FBXW10: variants seen among roughly 807,000 people sequenced by gnomAD.
FBXW10 encodes the protein F-box/WD repeat-containing protein 10.
Under a neutral mutation model 113.1 loss-of-function variants are expected in FBXW10, and 68 were observed. That is an observed-to-expected ratio of 0.60 (90% CI 0.49 to 0.74). The LOEUF is 0.74. Ranked by LOEUF, FBXW10 falls within the 30% of genes least tolerant of loss-of-function variation. The pLI is 0.00. For missense variants in FBXW10, 753 were observed against 1,284.5 expected, an observed-to-expected ratio of 0.59 and a Z score of 6.32; for synonymous variants, 289 against 481.6, an observed-to-expected ratio of 0.60 and a Z score of 5.24.
rs1312347830 is a variant in FBXW10, at chr17:18,746,598, GAC to G, written c.506-1339_506-1338del. On this transcript the variant is annotated intron_variant, in intron 1 of 13. Coordinates refer to ENST00000395665, the MANE Select transcript of FBXW10 (RefSeq NM_001267585.2). Reference sequence around the variant, plus strand: ...TAGAAGAATGATAATATAGAATGAAGACACAGTGAATCCTAGGGTGTCAAAAA... The same window carrying G: ...TAGAAGAATGATAATATAGAATGAAGACAGTGAATCCTAGGGTGTCAAAAA... 2.0e-5 allele frequency among the ~76,000 whole-genome samples: 3 copies of G among 152,294 alleles called. No homozygotes were observed. In the East Asian group the frequency reaches 5.8e-4, roughly 29 times the overall value.
chr17:18,754,849 T>C (rs2035229477), intron 5 of FBXW10, among the ~76,000 whole-genome samples: 1 of 152,204 alleles, frequency 6.6e-6, no homozygotes, highest in Non-Finnish European at 1.5e-5. Flanking sequence ...ATTGATTTCC[T>C]TTCCCTGAGT....
intron 12 of FBXW10, among the ~76,000 whole-genome samples, chr17:18,772,928 CTTTT>C (rs940811811): frequency 7.4e-6 from 1 of 135,636 alleles, no homozygotes; most frequent in Non-Finnish European, 1.6e-5. Flanking sequence ...TTCTTTCTTT[CTTTT>C]TTTTTTTTTT....
chr17:18,773,649 G>T (rs2035655750), intron 12 of FBXW10, among the ~76,000 whole-genome samples: 1 of 152,268 alleles, frequency 6.6e-6, no homozygotes, highest in African/African-American at 2.4e-5. Flanking sequence ...GATCTATAGA[G>T]AACAATGATA....
chr17:18,766,631 T>C (rs2035501352), intron 8 of FBXW10, 83 bp from the exon 9 acceptor site: 2 of 1,446,400 alleles, frequency 1.4e-6, no homozygotes, highest in Non-Finnish European at 1.9e-6. Flanking sequence ...GCTTCTGTGA[T>C]GGGGAGCAGA....
rs771116274 is a variant in FBXW10, at chr17:18,764,858, T to A, written c.1550T>A (p.Val517Glu). The change falls in exon 8 of 14, where the codon GTA becomes GAA. Residue 517 changes from valine to glutamate, a missense_variant. Physicochemically the swap from Val to Glu is moderately radical, Grantham distance 121. Transcript: ENST00000395665. The stretch of plus-strand genomic sequence containing the variant: ...GTATCTGGAGGAAGAGATTGCCAGG[T>A]AAAAGGTGAGAAAGAAGTGCCTTAA... ...RLVSGGRDCQ[V>E]KVWDVDTGKC... 16 of 1,613,928 alleles carry A rather than the reference T, an allele frequency of 9.9e-6. No individual in the cohort carries two copies. In the Admixed American group the frequency reaches 2.0e-4, roughly 20 times the overall value.
chr17:18,778,179 G>C (rs1449981545), intron 13 of FBXW10, among the ~76,000 whole-genome samples: 1 of 152,190 alleles, frequency 6.6e-6, no homozygotes, highest in Non-Finnish European at 1.5e-5. Flanking sequence ...CGTGAACCCG[G>C]AAGGCAGAGC....
chr17:18,745,266 G>A, intron 1 of FBXW10: 1 of 947,518 alleles, frequency 1.1e-6, no homozygotes, highest in Non-Finnish European at 1.3e-6. Context: ...GTTTCTCCAA[G>A]GCTGGAGATA....
chr17:18,767,984 T>G (rs2035530000), intron 9 of FBXW10, among the ~76,000 whole-genome samples: 1 of 152,014 alleles, frequency 6.6e-6, no homozygotes, highest in Non-Finnish European at 1.5e-5. Flanking sequence ...CCATTGGCCT[T>G]CTTTTTTTCT....
At position 18,744,680 on chromosome 17, in the gene FBXW10, C is replaced by A; in HGVS notation, c.436C>A (p.Pro146Thr). Residue 146 changes from proline to threonine, a missense_variant, in exon 1 of 14, where the codon CCC (proline) becomes ACC (threonine). Coordinates refer to ENST00000395665, the MANE Select transcript of FBXW10 (RefSeq NM_001267585.2). ...YTLLLLQMCNPKLLLTAANVI... is the reference protein window; with the variant it reads ...YTLLLLQMCNTKLLLTAANVI... ...TCTCTTACTGCTGCAGATGTGCAAC[C>A]CCAAATTACTGCTCACTGCTGCCAA... 9.9e-6 allele frequency: 16 copies of A among 1,613,824 alleles called. No individual in the cohort carries two copies. Among genetic ancestry groups the A allele is most frequent in the Non-Finnish European group, 1.4e-5 (16 of 1,179,840 alleles).
chr17:18,759,857 C>T (rs1195408658), intron 7 of FBXW10, among the ~76,000 whole-genome samples: 3 of 152,076 alleles, frequency 2.0e-5, no homozygotes, highest in African/African-American at 7.2e-5. Flanking sequence ...CCTCGTGATC[C>T]ACCCGCCTCG....
chr17:18,776,816 A>C (rs1178945491), intron 13 of FBXW10, among the ~76,000 whole-genome samples: 5 of 152,190 alleles, frequency 3.3e-5, no homozygotes, highest in Non-Finnish European at 7.3e-5. Context: ...CTAAATGTCC[A>C]TCAATGGGCA....
intron 2 of FBXW10, 32 bp downstream of exon 2, chr17:18,748,137 G>A (rs1057471204): frequency 1.2e-6 from 2 of 1,613,002 alleles, no homozygotes; most frequent in Non-Finnish European, 8.5e-7. Context: ...AAGCCAATAT[G>A]GGCTAGGTGC....
chr17:18,772,609 CTG>C lies in FBXW10; in HGVS notation c.2207_2208del (p.Val736AspfsTer45). ...AGAGAGTCTGTATCCAGTAAACAAA[CTG>C]TGATCCAAGAGCTCCTACCAGGCAA... On this transcript the variant is annotated frameshift_variant, in exon 12 of 14. Transcript: ENST00000395665. LOFTEE classifies it high-confidence loss of function. 2 of 1,614,028 alleles carry C rather than the reference CTG, an allele frequency of 1.2e-6. No individual in the cohort carries two copies. Among genetic ancestry groups the C allele is most frequent in the Non-Finnish European group, 1.7e-6 (2 of 1,179,892 alleles).
rs184835811 is a variant in FBXW10 at position 18,761,411 on chromosome 17, A to G, written c.1433+2906A>G. Among the ~76,000 whole-genome samples the G allele has an allele frequency of 2.2e-3, 333 of 151,392 alleles. 11 individuals are homozygous for G. In the East Asian group the frequency reaches 0.057, roughly 26 times the overall value. ...CTCCCGAGTAGCTGGGACTACAGGCACCCGCCACCACGCCTGGCTAATTTT... is the reference window on the plus strand; with the variant it reads ...CTCCCGAGTAGCTGGGACTACAGGCGCCCGCCACCACGCCTGGCTAATTTT... On this transcript the variant is annotated intron_variant, in intron 7 of 13. Coordinates refer to ENST00000395665, the MANE Select transcript of FBXW10 (RefSeq NM_001267585.2).
intron 8 of FBXW10, among the ~76,000 whole-genome samples, chr17:18,765,120 C>T (rs2035469403): frequency 1.3e-5 from 2 of 152,170 alleles, no homozygotes; most frequent in African/African-American, 2.4e-5. Flanking sequence ...AGGATATGGC[C>T]CTTTAGATTT....
chr17:18,755,311 C>T (rs973119956), intron 5 of FBXW10, among the ~76,000 whole-genome samples: 31 of 152,082 alleles, frequency 2.0e-4, no homozygotes, highest in African/African-American at 6.0e-4. Context: ...AATCCCAGCA[C>T]TTTGGGAAGC....
intron 1 of FBXW10, among the ~76,000 whole-genome samples, chr17:18,747,641 C>G (rs2035063110): frequency 6.6e-6 from 1 of 152,126 alleles, no homozygotes; most frequent in Non-Finnish European, 1.5e-5. Flanking sequence ...GAAGAAAATT[C>G]AGCTTGAGCT....
intron 4 of FBXW10, 114 bp downstream of exon 4, chr17:18,750,251 T>C: frequency 1.0e-6 from 1 of 956,158 alleles, no homozygotes; most frequent in African/African-American, 1.6e-5. Flanking sequence ...TCCTCTACAT[T>C]TGTGGCCTTT....
intron 7 of FBXW10, among the ~76,000 whole-genome samples, chr17:18,763,001 T>C (rs1261300730): frequency 6.7e-6 from 1 of 148,998 alleles, no homozygotes. Context: ...GCACTGTGGC[T>C]GCATTGTAGG....
Sources: gnomAD v4.1 joint callset for allele counts (sites outside exome capture counted in the v4.1 genomes callset) on GRCh38, gnomAD v4.1.1 for gene constraint, MANE v1.5 for transcripts, NCBI Gene and HGNC (gene_info 2026-07-23, HGNC 2026-07-21) for gene names.